The following ZC3H7B variants were observed in gnomAD, a reference collection of about 807,000 sequenced individuals.
ZC3H7B encodes zinc finger CCCH-type containing 7B, also known as zinc finger CCCH domain-containing protein 7B.
ZC3H7B carries 35 observed loss-of-function variants against 116.0 expected under a neutral mutation model. The ratio of observed to expected loss-of-function variants is 0.30; its 90% CI spans 0.23 to 0.40. The LOEUF (loss-of-function observed/expected upper bound fraction) is 0.40, where lower values mean the gene tolerates loss of function less well. Ranked by LOEUF, ZC3H7B falls within the 10% of genes least tolerant of loss-of-function variation. ZC3H7B has a pLI of 1.00. For synonymous variants in ZC3H7B, 502 were observed against 545.6 expected (o/e 0.92, Z 1.11); for missense variants, 1,011 against 1,321.5 (o/e 0.77, Z 3.64).
At chr22:41,325,944 C>T (rs1337724633) in intron 4 of ZC3H7B, 26 bp downstream of exon 4, 5 of 1,579,090 alleles carry the variant, frequency 3.2e-6, no homozygotes, top group Non-Finnish European at 4.3e-6. Flanking sequence ...TCTTTTCTCT[C>T]CTCCTCTGCT....
intron 1 of ZC3H7B, among the ~76,000 whole-genome samples, chr22:41,315,597 A>G (rs1241249857): frequency 6.6e-6 from 1 of 152,154 alleles, no homozygotes; most frequent in Non-Finnish European, 1.5e-5. Context: ...TTATTTCTTT[A>G]CAGTTTTGGA....
intron 7 of ZC3H7B, chr22:41,335,132 G>T (rs2145924021): frequency 6.6e-6 from 1 of 152,420 alleles, no homozygotes; most frequent in South Asian, 2.1e-4. Context: ...AGACACCCCA[G>T]ATCACAAGAC....
At chr22:41,323,489 A>G (rs2036282309) in intron 2 of ZC3H7B, among the ~76,000 whole-genome samples, 1 of 152,192 alleles carries the variant, frequency 6.6e-6, no homozygotes, top group African/African-American at 2.4e-5. Context: ...AGGTTAAGGG[A>G]CCAGGTGGTG....
chr22:41,311,939 TTAAC>T (rs1327293210), intron 1 of ZC3H7B, among the ~76,000 whole-genome samples: 1 of 152,224 alleles, frequency 6.6e-6, no homozygotes, highest in Non-Finnish European at 1.5e-5. Flanking sequence ...TGGAATTTAA[TTAAC>T]TAATTTAATT....
At position 41,328,808 on chromosome 22, in the gene ZC3H7B, G is replaced by A. The variant is rs114837986; in HGVS notation, c.445-1215G>A. ...CAACCCTGTGCCTCATGTATGTATC[G>A]TCACTTGCTGGGGGTTGCAGGAGAT... is the stretch of plus-strand genomic sequence containing the variant. On this transcript the variant is annotated intron_variant, in intron 5 of 22. Transcript: ENST00000352645. 3.3e-3 allele frequency among the ~76,000 whole-genome samples: 506 copies of A among 152,092 alleles called. 3 individuals are homozygous for A. The highest frequency in any genetic ancestry group is 0.012 in the African/African-American group (487 of 41,496).
At chr22:41,348,292 A>G (rs2036613519) in intron 15 of ZC3H7B, 125 bp downstream of exon 15, 7 of 780,462 alleles carry the variant, frequency 9.0e-6, no homozygotes, top group Non-Finnish European at 1.5e-5. Context: ...AAGGGGCAGA[A>G]TTTGGGAATC....
intron 2 of ZC3H7B, 67 bp downstream of exon 2, chr22:41,320,780 C>T: frequency 6.3e-7 from 1 of 1,590,538 alleles, no homozygotes; most frequent in Non-Finnish European, 8.6e-7. Flanking sequence ...AGAGCCATGC[C>T]CTCCCAGCGC....
chr22:41,354,608 C>T (rs548242698), intron 17 of ZC3H7B, among the ~76,000 whole-genome samples: 111 of 152,170 alleles, frequency 7.3e-4, no homozygotes, highest in African/African-American at 2.6e-3. Context: ...GACGGGGAGG[C>T]TTGAGGTTAT....
chr22:41,319,832 C>G (rs1273495362), intron 1 of ZC3H7B, among the ~76,000 whole-genome samples: 3 of 152,006 alleles, frequency 2.0e-5, no homozygotes, highest in Non-Finnish European at 4.4e-5. Context: ...AGTTTGAAAC[C>G]AGCCTGGCCA....
At chr22:41,309,116 A>G (rs1445081652) in intron 1 of ZC3H7B, among the ~76,000 whole-genome samples, 1 of 143,218 alleles carries the variant, frequency 7.0e-6, no homozygotes, top group African/African-American at 2.6e-5. Flanking sequence ...GGTTCATGCC[A>G]TTCTCCTGCC....
chr22:41,316,596 C>CTTTT (rs371933916), intron 1 of ZC3H7B, among the ~76,000 whole-genome samples: 9 of 98,924 alleles, frequency 9.1e-5, no homozygotes, highest in African/African-American at 1.6e-4. Flanking sequence ...CACACCTGGC[C>CTTTT]TTTTTTTTTT....
Position 41,357,580 on chromosome 22 carries a change from C to T in ZC3H7B, c.*151C>T. ...CCTGAGGCCCTGTCCATCTTCTCCC[C>T]ACCACCGCCCCGGTGTGCGTACCCA... is the stretch of plus-strand genomic sequence containing the variant. On this transcript the variant is annotated 3_prime_UTR_variant, in exon 23 of 23. Transcript: ENST00000352645. This position sits in a 1 kb window ranked among gnomAD's most constrained non-coding sequence, Gnocchi z 5.4. The T allele has an allele frequency of 2.8e-6, 3 of 1,086,970 alleles. No individual in the cohort carries two copies. Among genetic ancestry groups the T allele is most frequent in the Non-Finnish European group, 3.8e-6 (3 of 782,760 alleles). The allele number at this position is 1,086,970 out of a possible 1,614,324, so 67.3% of individuals were successfully genotyped here.
At position 41,356,338 on chromosome 22, in the gene ZC3H7B, C is replaced by T; in HGVS notation, c.2384-5C>T. ...GCAGGTGCCCTGTCCCTGTCCCCTG[C>T]CCAGTCCTGGACATGCAGCAGACCT... On this transcript the variant is annotated splice_polypyrimidine_tract_variant and splice_region_variant and intron_variant, in intron 20 of 22. Coordinates refer to ENST00000352645, the MANE Select transcript of ZC3H7B (RefSeq NM_017590.6). 1 of 1,614,016 alleles carries T rather than the reference C, an allele frequency of 6.2e-7. No homozygotes were observed. The highest frequency in any genetic ancestry group is 8.5e-7 in the Non-Finnish European group (1 of 1,179,988).
intron 1 of ZC3H7B, among the ~76,000 whole-genome samples, 179 bp from the exon 2 acceptor site, chr22:41,320,476 A>G (rs897065697): frequency 1.3e-5 from 2 of 151,790 alleles, no homozygotes; most frequent in Non-Finnish European, 2.9e-5. Context: ...CCAGGGGGCC[A>G]TGGGGGTGGA....
At position 41,346,589 on chromosome 22, in the gene ZC3H7B, GC is replaced by G. The variant is rs140500717; in HGVS notation, c.1665+382del. On this transcript the variant is annotated intron_variant, in intron 14 of 22. Transcript: ENST00000352645. The surrounding 1 kb of genome is among the most constrained non-coding windows in gnomAD (Gnocchi z 5.3). ...CCAGCACTTTGGGAGGCTGAGGCGGGCAAATCAATTGAGGTCAGGAGTTTGA... is the reference window on the plus strand; with the variant it reads ...CCAGCACTTTGGGAGGCTGAGGCGGGAAATCAATTGAGGTCAGGAGTTTGA... 0.015 allele frequency among the ~76,000 whole-genome samples: 2,244 copies of G among 152,308 alleles called. 60 individuals carry two copies. The highest frequency in any genetic ancestry group is 0.052 in the African/African-American group (2,156 of 41,546).
intron 7 of ZC3H7B, among the ~76,000 whole-genome samples, chr22:41,337,005 G>A (rs936186340): frequency 2.6e-5 from 4 of 151,868 alleles, no homozygotes; most frequent in Non-Finnish European, 5.9e-5. Context: ...GCATGGTGGC[G>A]CATGCCTGTA....
At chr22:41,350,951 G>A (rs546506444) in intron 16 of ZC3H7B, among the ~76,000 whole-genome samples, 35 of 152,320 alleles carry the variant, frequency 2.3e-4, no homozygotes, top group Non-Finnish European at 4.9e-4. Context: ...GATGGAGAGC[G>A]CTGAAAAGAG....
chr22:41,334,740 A>G (rs1394815333), intron 7 of ZC3H7B: 4 of 152,292 alleles, frequency 2.6e-5, no homozygotes, highest in Non-Finnish European at 5.9e-5. Context: ...TTGTGCACAG[A>G]CACAAGTAAA....
intron 6 of ZC3H7B, 135 bp from the exon 7 acceptor site, chr22:41,332,036 T>A: frequency 1.1e-6 from 1 of 872,420 alleles, no homozygotes; most frequent in Non-Finnish European, 1.8e-6. Flanking sequence ...CCGGCAGGCC[T>A]GGGGACAGGG....
Sources: gnomAD v4.1 joint callset for allele counts (sites outside exome capture counted in the v4.1 genomes callset) on GRCh38, gnomAD v4.1.1 for gene constraint, Gnocchi (gnomAD v3.1) non-coding constraint, MANE v1.5 for transcripts, NCBI Gene and HGNC (gene_info 2026-07-23, HGNC 2026-07-21) for gene names.